SPATS2L: variants seen among roughly 807,000 people sequenced by gnomAD.
The protein encoded by SPATS2L is SPATS2-like protein.
In SPATS2L, 30 loss-of-function variants were observed where a neutral mutation model predicts 59.6. The ratio of observed to expected loss-of-function variants is 0.50; its 90% CI spans 0.38 to 0.68. The LOEUF is 0.68. Among genes scored for constraint, SPATS2L ranks in the 30% least tolerant of loss-of-function variants. The probability of loss-of-function intolerance (pLI) is 0.00; values close to 1 mark genes in which losing one functional copy is unlikely to be tolerated. For missense variants in SPATS2L, 615 were observed against 700.0 expected, an observed-to-expected ratio of 0.88 and a Z score of 1.37; for synonymous variants, 252 against 263.5, an observed-to-expected ratio of 0.96 and a Z score of 0.42.
rs2106267513 is a variant in SPATS2L, at chr2:200,481,201, T to C, written c.*3170T>C. 6.6e-6 allele frequency: 1 copy of C among 152,322 alleles called. No homozygotes were observed. The highest frequency in any genetic ancestry group is 1.9e-4 in the East Asian group (1 of 5,190). 9.4% of individuals were successfully genotyped at this position (152,322 alleles called of 1,614,324 possible). On this transcript the variant is annotated 3_prime_UTR_variant, in exon 13 of 13. Transcript: ENST00000409140. ...TCAGTGGAGGACTAGAAACACAACATGTCCAATTTAAAGCTCAGTTCACAA... is the reference window on the plus strand; with the variant it reads ...TCAGTGGAGGACTAGAAACACAACACGTCCAATTTAAAGCTCAGTTCACAA...
In SPATS2L at chr2:200,479,666, C is replaced by G. The variant is rs1180099031; in HGVS notation, c.*1635C>G. On this transcript the variant is annotated 3_prime_UTR_variant, in exon 13 of 13. Coordinates refer to ENST00000409140, the MANE Select transcript of SPATS2L (RefSeq NM_001100423.2). ...TGCCGCTTCCGTTGCACTCACATGTCCTACATATCTGTTGACTACTCACAA... is the reference window on the plus strand; with the variant it reads ...TGCCGCTTCCGTTGCACTCACATGTGCTACATATCTGTTGACTACTCACAA... The G allele has an allele frequency of 5.0e-6, 2 of 398,522 alleles. No homozygotes were observed. The highest frequency in any genetic ancestry group is 4.1e-5 in the African/African-American group (2 of 48,642). 24.7% of individuals were successfully genotyped at this position (398,522 alleles called of 1,614,324 possible). A position where few individuals can be genotyped will look rare whatever the true frequency, so the allele number is the denominator to read the frequency against.
chr2:200,340,976 TTAAAGA>T (rs2080305224), intron 2 of SPATS2L, among the ~76,000 whole-genome samples: 1 of 152,218 alleles, frequency 6.6e-6, no homozygotes, highest in African/African-American at 2.4e-5. Context: ...AATGTAACTG[TTAAAGA>T]TAAGGATAGC....
intron 12 of SPATS2L, among the ~76,000 whole-genome samples, chr2:200,474,601 C>T (rs1465238704): frequency 1.3e-5 from 2 of 152,136 alleles, no homozygotes; most frequent in Non-Finnish European, 2.9e-5. Context: ...CCATGCCTGG[C>T]CTCTCTGTTC....
chr2:200,448,301 G>A (rs2085198527), intron 8 of SPATS2L, among the ~76,000 whole-genome samples: 2 of 152,084 alleles, frequency 1.3e-5, no homozygotes, highest in African/African-American at 2.4e-5. Context: ...AATAAGCCCG[G>A]TGTGGTGGTG....
intron 9 of SPATS2L, among the ~76,000 whole-genome samples, chr2:200,464,687 C>G (rs1444695836): frequency 6.6e-6 from 1 of 151,976 alleles, no homozygotes; most frequent in Non-Finnish European, 1.5e-5. Context: ...ACATTGTTGT[C>G]CAGGCAGGTC....
At chr2:200,410,843 A>G (rs900201096) in intron 3 of SPATS2L, among the ~76,000 whole-genome samples, 1 of 152,128 alleles carries the variant, frequency 6.6e-6, no homozygotes, top group Non-Finnish European at 1.5e-5. Context: ...TTGTCAGATA[A>G]TAGGTATTCA....
intron 12 of SPATS2L, among the ~76,000 whole-genome samples, chr2:200,476,225 A>G (rs2087509815): frequency 6.6e-6 from 1 of 152,212 alleles, no homozygotes; most frequent in Non-Finnish European, 1.5e-5. Context: ...AGAGGCTTCA[A>G]ATTTTCTTTG....
At chr2:200,428,073 CAA>C (rs760149035) in intron 6 of SPATS2L, among the ~76,000 whole-genome samples, 1 of 59,568 alleles carries the variant, frequency 1.7e-5, no homozygotes, top group African/African-American at 5.2e-5. Flanking sequence ...GTCTCAAAAA[CAA>C]AAAAAAAAAG....
At chr2:200,364,790 AG>A (rs1202867256) in intron 2 of SPATS2L, among the ~76,000 whole-genome samples, 1 of 152,178 alleles carries the variant, frequency 6.6e-6, no homozygotes, top group East Asian at 1.9e-4. Context: ...AGTTCCTAGC[AG>A]GGAGCAGAGA....
At chr2:200,357,374 A>G (rs1190389173) in intron 2 of SPATS2L, among the ~76,000 whole-genome samples, 2 of 152,144 alleles carry the variant, frequency 1.3e-5, no homozygotes, top group Admixed American at 6.5e-5. Flanking sequence ...CCAAGCCCAT[A>G]GTGTCATTAA....
chr2:200,339,580 T>C (rs1250176995), intron 2 of SPATS2L, among the ~76,000 whole-genome samples: 3 of 152,176 alleles, frequency 2.0e-5, no homozygotes, highest in African/African-American at 7.2e-5. Context: ...ATAGATTCAG[T>C]ACCTAAAACC....
At chr2:200,329,393 G>A (rs879652092) in intron 1 of SPATS2L, 38 bp from the exon 2 acceptor site, 36 of 1,535,910 alleles carry the variant, frequency 2.3e-5, no homozygotes, top group Non-Finnish European at 2.9e-5. Context: ...CTACTAATTT[G>A]AGACCTGCCT....
chr2:200,423,911 T>C (rs2083415430), intron 6 of SPATS2L, among the ~76,000 whole-genome samples: 1 of 152,190 alleles, frequency 6.6e-6, no homozygotes, highest in South Asian at 2.1e-4. Flanking sequence ...AAAGTTAGCT[T>C]TAAGATATAT....
At chr2:200,439,407 A>T in intron 7 of SPATS2L, 79 bp downstream of exon 7, 1 of 1,220,198 alleles carries the variant, frequency 8.2e-7, no homozygotes, top group Non-Finnish European at 1.2e-6. Flanking sequence ...GAACTTTCCA[A>T]AAGATGCTGC....
chr2:200,469,625 AGGGCGAGGG>A, intron 10 of SPATS2L: 1 of 281,720 alleles, frequency 3.5e-6, no homozygotes, highest in Non-Finnish European at 6.6e-6. Flanking sequence ...AAGTACTAGG[AGGGCGAGGG>A]GTGCTAAAAG....
At chr2:200,469,556 T>C (rs2086870098) in intron 10 of SPATS2L, among the ~76,000 whole-genome samples, 2 of 152,330 alleles carry the variant, frequency 1.3e-5, no homozygotes, top group East Asian at 1.9e-4. Context: ...TCTTGATGGT[T>C]AATACCTTAG....
intron 2 of SPATS2L, among the ~76,000 whole-genome samples, chr2:200,381,125 A>C (rs1192010579): frequency 6.6e-6 from 1 of 152,206 alleles, no homozygotes; most frequent in Non-Finnish European, 1.5e-5. Flanking sequence ...AAACATACCT[A>C]GTACTAAGTT....
At chr2:200,323,959 A>G (rs560631070) in intron 1 of SPATS2L, among the ~76,000 whole-genome samples, 1 of 152,320 alleles carries the variant, frequency 6.6e-6, no homozygotes, top group Admixed American at 6.5e-5. Context: ...ACTGGGTAGC[A>G]TCCGTGCAGA....
chr2:200,368,444 A>T (rs1480169768), intron 2 of SPATS2L, among the ~76,000 whole-genome samples: 2 of 152,246 alleles, frequency 1.3e-5, no homozygotes, highest in Non-Finnish European at 2.9e-5. Flanking sequence ...GGGGTCTCAG[A>T]TACTAATTTG....
Sources: gnomAD v4.1 joint callset for allele counts (sites outside exome capture counted in the v4.1 genomes callset) on GRCh38, gnomAD v4.1.1 for gene constraint, MANE v1.5 for transcripts, NCBI Gene and HGNC (gene_info 2026-07-23, HGNC 2026-07-21) for gene names.